Variants in C3orf22 observed in about 807,000 individuals in gnomAD.
C3orf22 encodes uncharacterized protein C3orf22.
In C3orf22, 7 loss-of-function variants were observed where a neutral mutation model predicts 10.8. The observed-to-expected ratio is 0.65, with a 90% CI of 0.37 to 1.22. The LOEUF is 1.22. Among genes scored for constraint, C3orf22 ranks in the 50% most tolerant of loss-of-function variants. The pLI is 0.02. For missense variants in C3orf22, 173 were observed against 177.0 expected, an observed-to-expected ratio of 0.98 and a Z score of 0.13; for synonymous variants, 79 against 78.9, an observed-to-expected ratio of 1.00 and a Z score of 0.00.
chr3:126,533,259 CA>C (rs1336520858), intron 4 of C3orf22, among the ~76,000 whole-genome samples: 1 of 152,124 alleles, frequency 6.6e-6, no homozygotes, highest in African/African-American at 2.4e-5. Context: ...ATAAAACCTC[CA>C]GTATAATTAA....
intron 4 of C3orf22, among the ~76,000 whole-genome samples, chr3:126,534,986 CA>C (rs1315181265): frequency 2.0e-5 from 3 of 148,954 alleles, no homozygotes; most frequent in African/African-American, 7.5e-5. Context: ...TCCCTGTCCC[CA>C]GCCGGGAGAC....
exon 5 of C3orf22, chr3:126,529,221 T>A: frequency 1.1e-6 from 1 of 934,272 alleles, no homozygotes; most frequent in Non-Finnish European, 1.5e-6. Flanking sequence ...GTGTGGTGTT[T>A]CACCCGGTAT....
chr3:126,554,610 G>A (rs1937284408), intron 1 of C3orf22, among the ~76,000 whole-genome samples: 1 of 152,314 alleles, frequency 6.6e-6, no homozygotes, highest in East Asian at 1.9e-4. Flanking sequence ...AGAGTTAGGT[G>A]AGCATTGAGA....
chr3:126,549,469 A>G, downstream of C3orf22: 3 of 474,310 alleles, frequency 6.3e-6, no homozygotes, highest in South Asian at 4.8e-5. Context: ...AGTGTTTAGC[A>G]AACAGTTTAG....
chr3:126,543,171 C>A (rs979638637), intron 4 of C3orf22: 4 of 152,282 alleles, frequency 2.6e-5, no homozygotes, highest in African/African-American at 9.6e-5. Flanking sequence ...TCTGGCAAGA[C>A]GCTGGGTCTT....
intron 4 of C3orf22, among the ~76,000 whole-genome samples, chr3:126,543,660 G>A (rs1937019787): frequency 6.6e-6 from 1 of 152,080 alleles, no homozygotes; most frequent in Non-Finnish European, 1.5e-5. Context: ...GTGTGCATGA[G>A]TGTGTGAGTA....
chr3:126,529,439 T>C, intron 4 of C3orf22: 1 of 1,265,744 alleles, frequency 7.9e-7, no homozygotes, highest in South Asian at 1.3e-5. Context: ...GCAGCATGGG[T>C]GTTAAGGGTG....
At chr3:126,557,591 G>C (rs1303905066) in intron 1 of C3orf22, among the ~76,000 whole-genome samples, 2 of 152,212 alleles carry the variant, frequency 1.3e-5, no homozygotes, top group African/African-American at 4.8e-5. Context: ...CTGCACACTG[G>C]ACACTGAACA....
At position 126,537,459 on chromosome 3, in the gene C3orf22, A is replaced by G. The variant is rs573075384; in HGVS notation, c.287-8087T>C. Among the ~76,000 whole-genome samples the G allele has an allele frequency of 1.1e-3, 170 of 152,290 alleles. No individual in the cohort carries two copies. The Middle Eastern group carries it at 0.041, about 37-fold the overall frequency. On this transcript the variant is annotated intron_variant and NMD_transcript_variant, in intron 4 of 5. Coordinates refer to the C3orf22 transcript ENST00000505070. Reference sequence around the variant, plus strand: ...CCCTACTGCTGTGTAGAGAAGGATCAGGGTGGTGTTGGGTAGGTGGCTGCT... The same window carrying G: ...CCCTACTGCTGTGTAGAGAAGGATCGGGGTGGTGTTGGGTAGGTGGCTGCT...
Position 126,550,043 on chromosome 3 carries a change from G to A in C3orf22, c.251C>T (p.Ser84Phe), listed in dbSNP as rs370438267. ...GAPDFTSPSG[S>F]CPAPLPAPSP... is the part of the protein sequence containing the mutation. The stretch of plus-strand genomic sequence containing the variant: ...TGGTGCTGGTAGTGGTGCCGGGCAG[G>A]AGCCAGACGGTGATGTAAAATCTGG... Residue 84 changes from serine to phenylalanine, a missense_variant, in exon 4 of 4, where the codon TCC (serine) becomes TTC (phenylalanine). Transcript: ENST00000318225. 4.3e-6 allele frequency: 7 copies of A among 1,613,838 alleles called. No individual in the cohort carries two copies. In the African/African-American group the frequency reaches 5.3e-5, roughly 12 times the overall value.
intron 4 of C3orf22, chr3:126,529,476 T>C (rs1936605059): frequency 9.5e-7 from 1 of 1,049,472 alleles, no homozygotes. Context: ...TGGCCTGGGG[T>C]CAAATTCTGT....
chr3:126,535,522 G>A, intron 4 of C3orf22, among the ~76,000 whole-genome samples: 1 of 151,506 alleles, frequency 6.6e-6, no homozygotes, highest in Admixed American at 6.6e-5. Context: ...TCCTCAGCCG[G>A]GAGACACACA....
intron 3 of C3orf22, among the ~76,000 whole-genome samples, 191 bp from the exon 4 acceptor site, chr3:126,550,269 C>T (rs751064729): frequency 1.3e-5 from 2 of 151,922 alleles, no homozygotes; most frequent in South Asian, 2.1e-4. Flanking sequence ...ATGGGGGCAC[C>T]GCACACTCAC....
chr3:126,543,254 T>C (rs1253289018), intron 4 of C3orf22: 1 of 152,198 alleles, frequency 6.6e-6, no homozygotes, highest in Non-Finnish European at 1.5e-5. Context: ...AGCTGGGCGG[T>C]CATGGTTTTG....
At chr3:126,536,112 C>T (rs908104051) in intron 4 of C3orf22, among the ~76,000 whole-genome samples, 1 of 152,130 alleles carries the variant, frequency 6.6e-6, no homozygotes, top group East Asian at 1.9e-4. Context: ...TACCCCCTGC[C>T]ATCCCCCACT....
chr3:126,558,166 A>AT (rs1402871911), intron 1 of C3orf22, among the ~76,000 whole-genome samples: 240 of 152,142 alleles, frequency 1.6e-3, no homozygotes, highest in African/African-American at 5.7e-3. Flanking sequence ...ACCTCACTTC[A>AT]TTTTTTTTCT....
At chr3:126,535,421 GAGAC>G (rs138056829) in intron 4 of C3orf22, among the ~76,000 whole-genome samples, 16,263 of 147,470 alleles carry the variant, frequency 0.11, 1,392 homozygotes, top group African/African-American at 0.25. Context: ...CCTCAACCGG[GAGAC>G]AGACAGACAG....
chr3:126,557,014 C>CCGCA (rs1553710551), intron 1 of C3orf22, among the ~76,000 whole-genome samples: 1 of 151,520 alleles, frequency 6.6e-6, no homozygotes, highest in Non-Finnish European at 1.5e-5. Context: ...ACACACAGAC[C>CCGCA]CACACAAACT....
At position 126,549,834 on chromosome 3, in the gene C3orf22, G is replaced by T. The variant is rs76460594; in HGVS notation, c.*34C>A. The T allele has an allele frequency of 8.8e-4, 1,390 of 1,582,962 alleles. 12 individuals carry two copies. The African/African-American group carries it at 0.018, about 20-fold the overall frequency. Reference sequence around the variant, plus strand: ...GCCCAGAGCCTGCCAAGGAGAAGGTGGCCAATAAGAAGGCCACACACAGAG... The same window carrying T: ...GCCCAGAGCCTGCCAAGGAGAAGGTTGCCAATAAGAAGGCCACACACAGAG... On this transcript the variant is annotated 3_prime_UTR_variant, in exon 4 of 4. Coordinates refer to ENST00000318225, the MANE Select transcript of C3orf22 (RefSeq NM_152533.3).
Sources: gnomAD v4.1 joint callset for allele counts (sites outside exome capture counted in the v4.1 genomes callset) on GRCh38, gnomAD v4.1.1 for gene constraint, MANE v1.5 for transcripts, NCBI Gene and HGNC (gene_info 2026-07-23, HGNC 2026-07-21) for gene names.